RYR2: variants seen among roughly 807,000 people sequenced by gnomAD.
The protein encoded by RYR2 is ryanodine receptor 2, also known as cardiac muscle ryanodine receptor-calcium release channel.
A neutral mutation model predicts 601.1 loss-of-function variants in RYR2; 227 were observed. That is an observed-to-expected ratio of 0.38 (90% CI 0.34 to 0.42). RYR2 has a LOEUF of 0.42. Ranked by LOEUF, RYR2 falls within the 10% of genes least tolerant of loss-of-function variation. The pLI, the probability that RYR2 is intolerant of heterozygous loss-of-function variation, is 1.00. For missense variants in RYR2, 4,646 were observed against 6,156.5 expected, an observed-to-expected ratio of 0.75 and a Z score of 8.21; for synonymous variants, 2,223 against 2,175.1, an observed-to-expected ratio of 1.02 and a Z score of -0.61.
At chr1:237,658,491 G>A (rs1437250750) in intron 54 of RYR2, among the ~76,000 whole-genome samples, 2 of 151,946 alleles carry the variant, frequency 1.3e-5, no homozygotes, top group Non-Finnish European at 2.9e-5. Context: ...TACCGGGCTC[G>A]AGCAATCCTC....
At chr1:237,193,175 A>AAAAAAAAAAAAAAAAC (rs1680179053) in intron 1 of RYR2, among the ~76,000 whole-genome samples, 1 of 143,910 alleles carries the variant, frequency 6.9e-6, no homozygotes, top group Non-Finnish European at 1.5e-5. Flanking sequence ...TACAAAAAAA[A>AAAAAAAAAAAAAAAAC]AAAAAGAAGG....
intron 32 of RYR2, among the ~76,000 whole-genome samples, chr1:237,593,217 T>C (rs552768470): frequency 1.3e-4 from 20 of 152,180 alleles, no homozygotes; most frequent in Non-Finnish European, 2.6e-4. Context: ...ACTTAAATCA[T>C]TTAGCATGTT....
intron 101 of RYR2, among the ~76,000 whole-genome samples, chr1:237,825,385 G>A (rs932771420): frequency 6.6e-6 from 1 of 152,132 alleles, no homozygotes; most frequent in Non-Finnish European, 1.5e-5. Flanking sequence ...TCTGATCTTT[G>A]ACAAACCTGA....
At chr1:237,581,641 G>A (rs1285924913) in intron 29 of RYR2, among the ~76,000 whole-genome samples, 1 of 152,146 alleles carries the variant, frequency 6.6e-6, no homozygotes, top group Non-Finnish European at 1.5e-5. Context: ...ATGGAAATGG[G>A]TGGCTTATTC....
intron 80 of RYR2, among the ~76,000 whole-genome samples, 179 bp from the exon 81 acceptor site, chr1:237,756,109 G>A (rs1692930166): frequency 6.6e-6 from 1 of 151,358 alleles, no homozygotes; most frequent in African/African-American, 2.4e-5. Context: ...TATAAAGGGG[G>A]AAAAAAAAAC....
chr1:237,419,339 A>C (rs1705328511), intron 11 of RYR2, among the ~76,000 whole-genome samples: 2 of 151,604 alleles, frequency 1.3e-5, no homozygotes, highest in Admixed American at 1.3e-4. Context: ...ACCTGATAGG[A>C]CTTTGTTTTT....
At chr1:237,345,107 C>G (rs992559517) in intron 3 of RYR2, among the ~76,000 whole-genome samples, 1 of 152,090 alleles carries the variant, frequency 6.6e-6, no homozygotes, top group Non-Finnish European at 1.5e-5. Context: ...CTGCGCCCAG[C>G]CTGTAGTAAG....
At chr1:237,793,212 C>G (rs1658672846) in intron 94 of RYR2, among the ~76,000 whole-genome samples, 1 of 152,180 alleles carries the variant, frequency 6.6e-6, no homozygotes, top group African/African-American at 2.4e-5. Context: ...TCAGGAACTC[C>G]TTTCCTCCCG....
intron 10 of RYR2, among the ~76,000 whole-genome samples, chr1:237,411,183 C>G (rs896634230): frequency 2.6e-5 from 4 of 152,102 alleles, no homozygotes; most frequent in African/African-American, 9.7e-5. Context: ...TGACTGCAAC[C>G]TCACAAGAGA....
At chr1:237,828,246 A>G (rs1558499353) in intron 101 of RYR2, 135 bp from the exon 102 acceptor site, 2 of 576,506 alleles carry the variant, frequency 3.5e-6, no homozygotes, top group Non-Finnish European at 6.3e-6. Flanking sequence ...AGTATCGGAT[A>G]TGTAGTCACG....
chr1:237,791,775 A>T, intron 93 of RYR2: 1 of 555,822 alleles, frequency 1.8e-6, no homozygotes, highest in Non-Finnish European at 3.2e-6. Flanking sequence ...ATTTAGCTGA[A>T]TATCTTATTT....
intron 8 of RYR2, among the ~76,000 whole-genome samples, chr1:237,382,123 T>C (rs902356291): frequency 2.0e-5 from 3 of 152,202 alleles, no homozygotes; most frequent in Admixed American, 1.3e-4. Flanking sequence ...ATGTTTTCAA[T>C]CTGTGGATTG....
intron 86 of RYR2, among the ~76,000 whole-genome samples, chr1:237,772,806 G>A (rs73102001): frequency 0.032 from 4,822 of 151,800 alleles, 240 homozygotes; most frequent in African/African-American, 0.11. Flanking sequence ...GGGGGAAGGT[G>A]CATTTTGAAG....
chr1:237,188,994 T>G (rs7543800), intron 1 of RYR2, among the ~76,000 whole-genome samples: 82,385 of 151,982 alleles, frequency 0.54, 23,852 homozygotes, highest in African/African-American at 0.76. Context: ...CCAGGACTTT[T>G]TCATCTTGCA....
intron 1 of RYR2, among the ~76,000 whole-genome samples, chr1:237,254,294 A>G (rs1225592380): frequency 6.6e-6 from 1 of 152,204 alleles, no homozygotes; most frequent in Non-Finnish European, 1.5e-5. Context: ...GTTGTGCAAT[A>G]CAAGAAAGAA....
intron 44 of RYR2, among the ~76,000 whole-genome samples, chr1:237,638,002 T>C (rs1319876328): frequency 6.6e-6 from 1 of 151,766 alleles, no homozygotes; most frequent in Non-Finnish European, 1.5e-5. Flanking sequence ...TTTAAGGAGA[T>C]GGTGCAAATA....
chr1:237,790,850 AC>A, intron 92 of RYR2, among the ~76,000 whole-genome samples: 1 of 152,106 alleles, frequency 6.6e-6, no homozygotes. Flanking sequence ...AGACAAGACA[AC>A]CTTTTATCAG....
intron 1 of RYR2, among the ~76,000 whole-genome samples, chr1:237,097,232 C>T (rs374516516): frequency 2.7e-4 from 41 of 152,282 alleles, no homozygotes; most frequent in African/African-American, 9.6e-4. Context: ...GCCAGATTGA[C>T]CTTTTCCATC....
intron 17 of RYR2, among the ~76,000 whole-genome samples, chr1:237,478,208 A>G (rs1264647702): frequency 6.6e-6 from 1 of 152,174 alleles, no homozygotes; most frequent in Admixed American, 6.5e-5. Context: ...CTTTGCTGCT[A>G]TGTTTAGGAG....
Sources: gnomAD v4.1 joint callset for allele counts (sites outside exome capture counted in the v4.1 genomes callset) on GRCh38, gnomAD v4.1.1 for gene constraint, MANE v1.5 for transcripts, NCBI Gene and HGNC (gene_info 2026-07-23, HGNC 2026-07-21) for gene names.